CSMD1: variants seen among roughly 807,000 people sequenced by gnomAD.
The protein encoded by CSMD1 is CUB and Sushi multiple domains 1, also known as CUB and sushi domain-containing protein 1.
CSMD1 carries 213 observed loss-of-function variants against 417.5 expected under a neutral mutation model. The ratio of observed to expected loss-of-function variants is 0.51; its 90% CI spans 0.46 to 0.57. The LOEUF (loss-of-function observed/expected upper bound fraction) is 0.57, where lower values mean the gene tolerates loss of function less well. Among genes scored for constraint, CSMD1 ranks in the 20% least tolerant of loss-of-function variants. CSMD1 has a pLI of 0.00. For missense variants in CSMD1, 6,923 were observed against 4,529.7 expected (o/e 1.53, Z -15.17); for synonymous variants, 2,862 against 1,736.8 (o/e 1.65, Z -16.11).
intron 3 of CSMD1, among the ~76,000 whole-genome samples, chr8:4,252,414 A>C (rs1803142760): frequency 6.6e-6 from 1 of 152,228 alleles, no homozygotes; most frequent in South Asian, 2.1e-4. Flanking sequence ...ACAAAAACTG[A>C]GACTTGGGAA....
intron 57 of CSMD1, among the ~76,000 whole-genome samples, chr8:2,971,625 T>A (rs1365179488): frequency 6.6e-6 from 1 of 152,190 alleles, no homozygotes; most frequent in Non-Finnish European, 1.5e-5. Context: ...TGAAGTACTA[T>A]ATGAAAGAGT....
intron 1 of CSMD1, among the ~76,000 whole-genome samples, chr8:4,686,619 C>T (rs1176901117): frequency 1.3e-5 from 2 of 152,218 alleles, no homozygotes; most frequent in East Asian, 3.9e-4. Flanking sequence ...GTCTGGCTAC[C>T]TCTTCATCAA....
chr8:4,946,262 C>T (rs1426775998), intron 1 of CSMD1, among the ~76,000 whole-genome samples: 1 of 152,156 alleles, frequency 6.6e-6, no homozygotes, highest in Non-Finnish European at 1.5e-5. Context: ...TGCTTTTGGT[C>T]TTGTGAGATG....
At chr8:4,604,962 G>A (rs1327837349) in intron 2 of CSMD1, among the ~76,000 whole-genome samples, 2 of 152,158 alleles carry the variant, frequency 1.3e-5, no homozygotes, top group Non-Finnish European at 1.5e-5. Context: ...GTTCTTGTGG[G>A]TCTATGCCAG....
At chr8:3,230,900 C>T (rs1477423) in intron 26 of CSMD1, among the ~76,000 whole-genome samples, 111,130 of 152,086 alleles carry the variant, frequency 0.73, 41,010 homozygotes, top group South Asian at 0.82. Flanking sequence ...CTCAAATCTG[C>T]TGAGTAGAGG....
chr8:3,407,064 T>C (rs1029490395), intron 14 of CSMD1, among the ~76,000 whole-genome samples: 6 of 151,816 alleles, frequency 4.0e-5, no homozygotes, highest in Non-Finnish European at 7.4e-5. Flanking sequence ...GCTGGCTGGA[T>C]GAATGGAGGG....
intron 4 of CSMD1, among the ~76,000 whole-genome samples, chr8:3,998,410 A>G (rs1815394588): frequency 1.3e-5 from 2 of 152,210 alleles, no homozygotes; most frequent in South Asian, 4.1e-4. Context: ...GCAGCCTAAC[A>G]AGATTTTCAG....
At chr8:4,106,932 C>T (rs1801598783) in intron 3 of CSMD1, among the ~76,000 whole-genome samples, 1 of 152,116 alleles carries the variant, frequency 6.6e-6, no homozygotes, top group African/African-American at 2.4e-5. Context: ...AACCAAAACG[C>T]GTTGTGGTTC....
chr8:4,441,429 A>T (rs1798476437), intron 2 of CSMD1, among the ~76,000 whole-genome samples: 1 of 151,744 alleles, frequency 6.6e-6, no homozygotes, highest in Non-Finnish European at 1.5e-5. Flanking sequence ...GTCATCTTTA[A>T]GATTACTTTC....
intron 5 of CSMD1, among the ~76,000 whole-genome samples, chr8:3,877,249 G>C (rs1413106926): frequency 6.6e-6 from 1 of 152,108 alleles, no homozygotes; most frequent in Non-Finnish European, 1.5e-5. Flanking sequence ...TGCCTACAGT[G>C]AGCAGATGTC....
At chr8:3,305,225 AGGAATATGAAATATTAAATTCT>A (rs563085683) in intron 25 of CSMD1, among the ~76,000 whole-genome samples, 27 of 152,288 alleles carry the variant, frequency 1.8e-4, no homozygotes, top group African/African-American at 5.5e-4. Flanking sequence ...GATTTTCATG[AGGAATATGAAATATTAAATTCT>A]GTTACTCAGC....
chr8:4,027,708 C>A (rs1158139855), intron 4 of CSMD1, among the ~76,000 whole-genome samples: 1 of 152,098 alleles, frequency 6.6e-6, no homozygotes, highest in African/African-American at 2.4e-5. Flanking sequence ...ACATTTTAGA[C>A]ATGGGGGCCC....
In CSMD1 at chr8:3,354,606, A is replaced by C. The variant is rs183910418; in HGVS notation, c.3304+4546T>G. ...CGAAGAATATTTAAGAATTTCACAA[A>C]ATGGTACTATTTTTAGCCCATTCAT... On this transcript the variant is annotated intron_variant, in intron 21 of 69. Transcript: ENST00000635120. Among the ~76,000 whole-genome samples, 3 of 152,188 alleles carry C rather than the reference A, an allele frequency of 2.0e-5. No homozygotes were observed. The East Asian group carries it at 5.8e-4, about 29-fold the overall frequency.
At chr8:4,458,339 G>T (rs945431301) in intron 2 of CSMD1, among the ~76,000 whole-genome samples, 5 of 152,018 alleles carry the variant, frequency 3.3e-5, no homozygotes, top group African/African-American at 4.8e-5. Flanking sequence ...TTAGCTGAAA[G>T]TTATATCAGT....
intron 5 of CSMD1, among the ~76,000 whole-genome samples, chr8:3,908,065 T>G (rs962672447): frequency 6.6e-6 from 1 of 152,114 alleles, no homozygotes; most frequent in African/African-American, 2.4e-5. Flanking sequence ...GACTCTCAAA[T>G]TGCAGTCACT....
chr8:3,410,026 T>C (rs568920879), intron 12 of CSMD1, among the ~76,000 whole-genome samples: 11 of 152,220 alleles, frequency 7.2e-5, no homozygotes, highest in East Asian at 1.9e-4. Context: ...TTTAAATAAA[T>C]AGAATCTATT....
Position 3,052,541 on chromosome 8 carries a change from A to C in CSMD1, c.7581T>G (p.Leu2527=), listed in dbSNP as rs1811890003. Residue 2527 remains leucine (L), a synonymous_variant, in exon 50 of 70, where the codon CTT becomes CTG. Transcript: ENST00000635120. ...VVYECHEGFK[L]ESSQQATAVC... ...CGGCTGTTGCTTGCTGGCTGGATTC[A>C]AGCTTGAAGCCCTCATGACATTCAT... 2 of 1,607,776 alleles carry C rather than the reference A, an allele frequency of 1.2e-6. No individual in the cohort carries two copies. Among genetic ancestry groups the C allele is most frequent in the Admixed American group, 3.4e-5 (2 of 59,188 alleles).
intron 52 of CSMD1, among the ~76,000 whole-genome samples, chr8:3,000,844 G>C (rs1036992792): frequency 2.0e-5 from 3 of 152,184 alleles, no homozygotes; most frequent in African/African-American, 7.2e-5. Context: ...ATCGCGACAG[G>C]CGTCTTTACT....
intron 3 of CSMD1, among the ~76,000 whole-genome samples, chr8:4,317,207 A>C (rs1798984772): frequency 6.6e-6 from 1 of 152,108 alleles, no homozygotes; most frequent in East Asian, 1.9e-4. Context: ...GTTATATTTT[A>C]TTTACATAAC....
Sources: allele counts gnomAD v4.1 joint callset (sites outside exome capture counted in the v4.1 genomes callset), GRCh38; gene constraint gnomAD v4.1.1; transcripts MANE v1.5; gene names NCBI Gene and HGNC (gene_info 2026-07-23, HGNC 2026-07-21).